Variants in PCDH11X observed in about 807,000 individuals in gnomAD.
PCDH11X encodes protocadherin-11 X-linked.
A neutral mutation model predicts 53.3 loss-of-function variants in PCDH11X; 18 were observed. The ratio of observed to expected loss-of-function variants is 0.34; its 90% CI spans 0.23 to 0.50. PCDH11X has a LOEUF of 0.50. Ranked by LOEUF, PCDH11X falls within the 20% of genes least tolerant of loss-of-function variation. The pLI is 0.98. For synonymous variants in PCDH11X, 279 were observed against 393.3 expected (o/e 0.71, Z 3.44); for missense variants, 570 against 1,032.4 (o/e 0.55, Z 6.14).
chrX:92,564,054 T>C (rs1921155115), intron 10 of PCDH11X, among the ~76,000 whole-genome samples: 1 of 109,256 alleles, frequency 9.2e-6, no homozygotes, highest in Admixed American at 9.9e-5. Context: ...TATCTAGGAA[T>C]TGGCAAAAAA....
At chrX:92,369,524 T>C (rs967530497) in intron 8 of PCDH11X, among the ~76,000 whole-genome samples, 34 of 110,662 alleles carry the variant, frequency 3.1e-4, no homozygotes, top group African/African-American at 1.1e-3. Context: ...GAGTGAATGG[T>C]TCTGTCTTGC....
At chrX:92,201,528 C>T in intron 7 of PCDH11X, 73 bp downstream of exon 7, 1 of 633,997 alleles carries the variant, frequency 1.6e-6, no homozygotes, top group Non-Finnish European at 2.4e-6. Context: ...AAGGAATACT[C>T]TTAAGTAGTG....
intron 6 of PCDH11X, among the ~76,000 whole-genome samples, chrX:91,941,373 T>C (rs970148368): frequency 9.0e-6 from 1 of 111,418 alleles, no homozygotes; most frequent in African/African-American, 3.3e-5. Context: ...TCTTAAATTA[T>C]ACATTATGTA....
At chrX:92,293,934 T>C (rs1056975879) in intron 8 of PCDH11X, among the ~76,000 whole-genome samples, 3 of 109,033 alleles carry the variant, frequency 2.8e-5, no homozygotes, top group Non-Finnish European at 3.8e-5. Context: ...GAAATAGAAA[T>C]AAAGTAAAAA....
At chrX:91,912,636 G>T (rs979120586) in intron 6 of PCDH11X, among the ~76,000 whole-genome samples, 1 of 110,985 alleles carries the variant, frequency 9.0e-6, no homozygotes, top group African/African-American at 3.3e-5. Flanking sequence ...CATGATGATC[G>T]ATCTTTTTAA....
At chrX:92,183,480 C>T (rs911999758) in intron 6 of PCDH11X, among the ~76,000 whole-genome samples, 1 of 111,367 alleles carries the variant, frequency 9.0e-6, no homozygotes, top group Non-Finnish European at 1.9e-5. Flanking sequence ...TGGTCTTGAA[C>T]TCCTGACCTC....
At chrX:91,983,580 A>C in intron 6 of PCDH11X, 1 of 431,833 alleles carries the variant, frequency 2.3e-6, no homozygotes, top group Non-Finnish European at 4.1e-6. Context: ...CAGAGAACTA[A>C]GTGGAGCCAG....
intron 9 of PCDH11X, among the ~76,000 whole-genome samples, chrX:92,429,965 G>A (rs1172019315): frequency 9.1e-6 from 1 of 109,484 alleles, no homozygotes; most frequent in Non-Finnish European, 1.9e-5. Flanking sequence ...ATGAGAACAT[G>A]AGCCTTGTCA....
chrX:91,904,565 A>T (rs1024830632), intron 6 of PCDH11X, among the ~76,000 whole-genome samples: 3 of 111,349 alleles, frequency 2.7e-5, no homozygotes, highest in Non-Finnish European at 3.8e-5. Context: ...ATGAATAAAG[A>T]TATAATAGAG....
chrX:92,152,059 C>T (rs1290606394), intron 6 of PCDH11X, among the ~76,000 whole-genome samples: 201 of 83,809 alleles, frequency 2.4e-3, no homozygotes, highest in Non-Finnish European at 4.0e-3. Flanking sequence ...CTTCAGTATT[C>T]CAATTTTTGA....
chrX:92,300,296 T>A (rs1348195084), intron 8 of PCDH11X, among the ~76,000 whole-genome samples: 1 of 111,244 alleles, frequency 9.0e-6, no homozygotes, highest in Non-Finnish European at 1.9e-5. Flanking sequence ...AAATTAAAAA[T>A]TAAAAATAGA....
At chrX:92,085,614 C>CAA (rs57885903) in intron 6 of PCDH11X, among the ~76,000 whole-genome samples, 1,368 of 94,026 alleles carry the variant, frequency 0.015, 26 homozygotes, top group African/African-American at 0.049. Context: ...ATTATAGAAG[C>CAA]AAAAAAAAAA....
At chrX:92,464,870 C>A (rs1415355969) in intron 9 of PCDH11X, among the ~76,000 whole-genome samples, 2 of 110,658 alleles carry the variant, frequency 1.8e-5, no homozygotes, top group East Asian at 5.7e-4. Context: ...ACACCACAGT[C>A]TTCCGTACAC....
chrX:92,444,255 A>T (rs2072581206), intron 9 of PCDH11X, among the ~76,000 whole-genome samples: 1 of 107,030 alleles, frequency 9.3e-6, no homozygotes, highest in African/African-American at 3.4e-5. Context: ...CCTTGGTTAG[A>T]TGTGTTCCTA....
chrX:92,392,188 T>G (rs1366690818), intron 9 of PCDH11X, among the ~76,000 whole-genome samples: 2 of 110,943 alleles, frequency 1.8e-5, no homozygotes, highest in Non-Finnish European at 3.8e-5. Flanking sequence ...TTAATGCTTT[T>G]CCTCTTTTTG....
At chrX:91,995,709 T>C (rs7881217) in intron 6 of PCDH11X, among the ~76,000 whole-genome samples, 1,243 of 111,623 alleles carry the variant, frequency 0.011, 6 homozygotes, top group Non-Finnish European at 0.017. Flanking sequence ...TTGTGTTCTA[T>C]TTCCATGAAA....
At chrX:92,334,605 TC>T (rs2069571707) in intron 8 of PCDH11X, among the ~76,000 whole-genome samples, 1 of 111,479 alleles carries the variant, frequency 9.0e-6, no homozygotes, top group African/African-American at 3.3e-5. Context: ...CTGGAAGTAC[TC>T]CCAAAAAGCA....
At chrX:92,260,648 A>G (rs60422249) in intron 7 of PCDH11X, among the ~76,000 whole-genome samples, 150 of 111,090 alleles carry the variant, frequency 1.4e-3, no homozygotes, top group African/African-American at 4.7e-3. Flanking sequence ...GGCAACTATC[A>G]GTGGAACTTT....
chrX:92,329,665 G>A (rs2069416371), intron 8 of PCDH11X, among the ~76,000 whole-genome samples: 1 of 111,512 alleles, frequency 9.0e-6, no homozygotes, highest in Non-Finnish European at 1.9e-5. Flanking sequence ...ATGAGATCCA[G>A]TCTTTGCATC....
Sources: allele counts gnomAD v4.1 joint callset (sites outside exome capture counted in the v4.1 genomes callset), GRCh38; gene constraint gnomAD v4.1.1; transcripts MANE v1.5; gene names NCBI Gene and HGNC (gene_info 2026-07-23, HGNC 2026-07-21).